The following MYO6 variants were observed in gnomAD, a reference collection of about 807,000 sequenced individuals.
MYO6 encodes the protein unconventional myosin-VI.
MYO6 carries 74 observed loss-of-function variants against 178.7 expected under a neutral mutation model. The observed-to-expected ratio is 0.41, with a 90% CI of 0.34 to 0.50. MYO6 has a LOEUF of 0.50. Ranked by LOEUF, MYO6 falls within the 20% of genes least tolerant of loss-of-function variation. The pLI is 0.09. For missense variants in MYO6, 1,330 were observed against 1,547.4 expected, an observed-to-expected ratio of 0.86 and a Z score of 2.36; for synonymous variants, 477 against 504.6, an observed-to-expected ratio of 0.95 and a Z score of 0.73.
At chr6:75,891,331 C>A (rs1227369433) in intron 27 of MYO6, 25 bp downstream of exon 27, 2 of 1,553,694 alleles carry the variant, frequency 1.3e-6, no homozygotes, top group South Asian at 1.1e-5. Flanking sequence ...GGTTGAATTT[C>A]TATTAAAATG....
intron 25 of MYO6, among the ~76,000 whole-genome samples, chr6:75,887,935 C>T (rs542181384): frequency 0.012 from 1,848 of 149,556 alleles, 18 homozygotes; most frequent in Non-Finnish European, 0.015. Context: ...GCCGAGATCG[C>T]GCCACTGCAC....
chr6:75,756,765 A>G (rs1003249520), intron 1 of MYO6, among the ~76,000 whole-genome samples: 1 of 152,002 alleles, frequency 6.6e-6, no homozygotes, highest in Non-Finnish European at 1.5e-5. Flanking sequence ...TTTACAGATT[A>G]GGAAACTGAG....
At position 75,866,621 on chromosome 6, in the gene MYO6, A is replaced by G. The variant is rs1428674461; in HGVS notation, c.1770A>G (p.Thr590=). Residue 590 remains threonine, a splice_region_variant and synonymous_variant, in exon 17 of 35, where the codon ACA becomes ACG. Transcript: ENST00000369977. ...RHFAGAVCYE[T]TQFVEKNNDA... The stretch of plus-strand genomic sequence containing the variant: ...TTGCGGGGGCAGTGTGCTATGAAAC[A>G]GTGAGTATAACTTTTACAAGGAGAA... 2 of 1,611,504 alleles carry G rather than the reference A, an allele frequency of 1.2e-6. No homozygotes were observed. Among genetic ancestry groups the G allele is most frequent in the East Asian group, 4.5e-5 (2 of 44,878 alleles).
chr6:75,830,363 T>C, intron 4 of MYO6, 53 bp from the exon 5 acceptor site: 1 of 1,539,816 alleles, frequency 6.5e-7, no homozygotes, highest in South Asian at 1.1e-5. Flanking sequence ...TTTGTTTATC[T>C]TTAAATGAAA....
intron 9 of MYO6, among the ~76,000 whole-genome samples, chr6:75,843,848 T>A (rs1583252466): frequency 6.6e-6 from 1 of 152,140 alleles, no homozygotes; most frequent in East Asian, 1.9e-4. Context: ...ATAGAGGCAT[T>A]GATTGTCTAA....
At chr6:75,756,908 T>C (rs112622161) in intron 1 of MYO6, among the ~76,000 whole-genome samples, 1,677 of 94,944 alleles carry the variant, frequency 0.018, 107 homozygotes, top group East Asian at 0.14. Context: ...TATATATATA[T>C]ATACACATAT....
intron 1 of MYO6, among the ~76,000 whole-genome samples, chr6:75,774,779 A>AATT (rs906955292): frequency 3.3e-5 from 5 of 151,578 alleles, no homozygotes; most frequent in African/African-American, 1.2e-4. Context: ...TTTATTGAGA[A>AATT]ATTATTATTA....
At chr6:75,810,276 C>A (rs991031912) in intron 1 of MYO6, among the ~76,000 whole-genome samples, 1 of 152,132 alleles carries the variant, frequency 6.6e-6, no homozygotes, top group Non-Finnish European at 1.5e-5. Context: ...AAATTCTCTA[C>A]AGATGCAAAT....
chr6:75,866,419 A>G (rs1366843130), intron 16 of MYO6, 107 bp from the exon 17 acceptor site: 1 of 877,906 alleles, frequency 1.1e-6, no homozygotes, highest in Non-Finnish European at 1.8e-6. Context: ...AAAGTGTGAA[A>G]ATTTCCTGTA....
intron 1 of MYO6, among the ~76,000 whole-genome samples, chr6:75,799,805 C>G (rs1462048141): frequency 1.3e-5 from 2 of 151,944 alleles, no homozygotes; most frequent in Non-Finnish European, 2.9e-5. Context: ...CTAACTTTAC[C>G]CATGTTACAG....
chr6:75,816,381 G>T (rs944600417), intron 1 of MYO6, among the ~76,000 whole-genome samples: 1 of 152,132 alleles, frequency 6.6e-6, no homozygotes, highest in Non-Finnish European at 1.5e-5. Context: ...TTAGAAACAG[G>T]GTCTTGTTCT....
At chr6:75,775,639 A>G (rs993461014) in intron 1 of MYO6, among the ~76,000 whole-genome samples, 7 of 152,208 alleles carry the variant, frequency 4.6e-5, no homozygotes, top group African/African-American at 1.7e-4. Context: ...TATGACCTAT[A>G]AAAGGGTCTT....
chr6:75,900,523 A>G (rs1319176913), intron 30 of MYO6, among the ~76,000 whole-genome samples: 1 of 152,146 alleles, frequency 6.6e-6, no homozygotes, highest in Non-Finnish European at 1.5e-5. Flanking sequence ...TTTTGGCTGC[A>G]TAAATGTCTT....
chr6:75,855,245 G>A lies in MYO6; in HGVS notation c.1185G>A (p.Met395Ile). The A allele has an allele frequency of 6.2e-7, 1 of 1,613,664 alleles. No homozygotes were observed. The highest frequency in any genetic ancestry group is 8.5e-7 in the Non-Finnish European group (1 of 1,179,698). Residue 395 changes from methionine (M) to isoleucine (I), a missense_variant, in exon 12 of 35, where the codon ATG becomes ATA. This residue lies in a region of MYO6 where 613 missense variants were observed against 816.8 expected (regional missense o/e 0.75). Transcript: ENST00000369977. The part of the protein sequence containing the change: ...DLRVSLTTRV[M>I]LTTAGGTKGT... ...GAGTAAGTTTGACCACAAGAGTCAT[G>A]CTAACAACAGCAGGGGGCACCAAAG...
intron 1 of MYO6, among the ~76,000 whole-genome samples, chr6:75,749,828 AC>A (rs1397736142): frequency 1.3e-5 from 2 of 152,192 alleles, no homozygotes; most frequent in Non-Finnish European, 2.9e-5. Context: ...ATCAAATGAT[AC>A]CATTAATAGT....
intron 1 of MYO6, among the ~76,000 whole-genome samples, chr6:75,805,923 T>G (rs1770028819): frequency 6.6e-6 from 1 of 152,198 alleles, no homozygotes; most frequent in Admixed American, 6.5e-5. Context: ...GTGAGTATCT[T>G]TTTAAGTACT....
chr6:75,909,600 A>C (rs1002134263), intron 32 of MYO6, among the ~76,000 whole-genome samples: 2 of 152,176 alleles, frequency 1.3e-5, no homozygotes, highest in Non-Finnish European at 2.9e-5. Flanking sequence ...AGCATGCATG[A>C]GCTTTAACAT....
At chr6:75,829,383 A>G (rs1772835252) in intron 4 of MYO6, among the ~76,000 whole-genome samples, 1 of 152,074 alleles carries the variant, frequency 6.6e-6, no homozygotes, top group South Asian at 2.1e-4. Context: ...TGTTATAAAG[A>G]TGGGGCTGTT....
chr6:75,835,821 T>G, intron 6 of MYO6, 80 bp from the exon 7 acceptor site: 1 of 802,580 alleles, frequency 1.2e-6, no homozygotes, highest in Non-Finnish European at 2.2e-6. Context: ...TAGGTTTCAG[T>G]TTTATATGTA....
Sources: allele counts gnomAD v4.1 joint callset (sites outside exome capture counted in the v4.1 genomes callset), GRCh38; gene constraint gnomAD v4.1.1; regional missense constraint gnomAD v4.1.1; transcripts MANE v1.5; gene names NCBI Gene and HGNC (gene_info 2026-07-23, HGNC 2026-07-21).